TRPC6: variants seen among roughly 807,000 people sequenced by gnomAD.
TRPC6 encodes short transient receptor potential channel 6.
TRPC6 carries 55 observed loss-of-function variants against 90.7 expected under a neutral mutation model. The observed-to-expected ratio is 0.61, with a 90% CI of 0.49 to 0.76. The LOEUF (loss-of-function observed/expected upper bound fraction) is 0.76, where lower values mean the gene tolerates loss of function less well. TRPC6 is among the 30% of genes least tolerant of loss of function. The pLI is 0.00. For synonymous variants in TRPC6, 393 were observed against 393.0 expected (o/e 1.00, Z 0.00); for missense variants, 989 against 1,122.7 (o/e 0.88, Z 1.70).
At chr11:101,530,063 C>G (rs922491550) in intron 1 of TRPC6, among the ~76,000 whole-genome samples, 1 of 152,168 alleles carries the variant, frequency 6.6e-6, no homozygotes. Flanking sequence ...GCAGCAGACG[C>G]TGAAGTACCC....
rs186354117 is a variant in TRPC6 at position 101,469,317 on chromosome 11, T to A, written c.2484+110A>T. ...GATTTGTTAAAATAGTTGAATTATT[T>A]AATGGGTCTGTTCTCTACTTGCTAA... On this transcript the variant is annotated intron_variant, in intron 10 of 12. Coordinates refer to ENST00000344327, the MANE Select transcript of TRPC6 (RefSeq NM_004621.6). 2.2e-3 allele frequency: 1,444 copies of A among 660,914 alleles called. 8 individuals are homozygous for A. Among genetic ancestry groups the A allele is most frequent in the South Asian group, 7.5e-3 (455 of 60,574 alleles). The allele number at this position is 660,914 out of a possible 1,614,324, so 40.9% of individuals were successfully genotyped here. A position where few individuals can be genotyped will look rare whatever the true frequency, so the allele number is the denominator to read the frequency against.
In TRPC6 at chr11:101,504,543, G is replaced by A. The variant is rs201778466; in HGVS notation, c.426C>T (p.Ala142=). The part of the protein sequence containing the change: ...MGQNALQLAV[A]NEHLEITELL... Reference sequence around the variant, plus strand: ...GTTCTGTAATTTCCAGATGCTCATTGGCCACTGCCAACTGTAGGGCATTCT... The same window carrying A: ...GTTCTGTAATTTCCAGATGCTCATTAGCCACTGCCAACTGTAGGGCATTCT... The change falls in exon 2 of 13, where the codon GCC becomes GCT. Residue 142 remains alanine (A), a synonymous_variant. Coordinates refer to ENST00000344327, the MANE Select transcript of TRPC6 (RefSeq NM_004621.6). The A allele has an allele frequency of 6.2e-7, 1 of 1,614,036 alleles. No individual in the cohort carries two copies. Among genetic ancestry groups the A allele is most frequent in the East Asian group, 2.2e-5 (1 of 44,876 alleles).
intron 1 of TRPC6, among the ~76,000 whole-genome samples, chr11:101,575,963 T>C (rs916697365): frequency 6.6e-6 from 1 of 152,146 alleles, no homozygotes; most frequent in Non-Finnish European, 1.5e-5. Flanking sequence ...AATCCACCTG[T>C]ATCCAGCTGT....
At chr11:101,562,533 TG>T (rs975521706) in intron 1 of TRPC6, among the ~76,000 whole-genome samples, 1 of 152,172 alleles carries the variant, frequency 6.6e-6, no homozygotes, top group Non-Finnish European at 1.5e-5. Flanking sequence ...AACCTGAAAT[TG>T]TAGAACCAGT....
At chr11:101,556,706 G>A (rs1467180362) in intron 1 of TRPC6, among the ~76,000 whole-genome samples, 3 of 152,076 alleles carry the variant, frequency 2.0e-5, no homozygotes, top group Non-Finnish European at 4.4e-5. Context: ...CTCTTTTTAA[G>A]AAGCCAGCCC....
chr11:101,573,987 G>A (rs1398963838), intron 1 of TRPC6, among the ~76,000 whole-genome samples: 1 of 143,896 alleles, frequency 6.9e-6, no homozygotes, highest in East Asian at 1.9e-4. Flanking sequence ...AGGGTGGAGA[G>A]TACGTAAGGA....
intron 3 of TRPC6, among the ~76,000 whole-genome samples, chr11:101,490,284 TAA>T (rs945070615): frequency 2.0e-5 from 3 of 152,180 alleles, no homozygotes; most frequent in African/African-American, 7.2e-5. Flanking sequence ...GACTGTTATA[TAA>T]AGTTGTCCAA....
At position 101,461,220 on chromosome 11, in the gene TRPC6, T is replaced by A. The variant is rs531598961; in HGVS notation, c.2485-6119A>T. Among the ~76,000 whole-genome samples, 5 of 152,340 alleles carry A rather than the reference T, an allele frequency of 3.3e-5. No individual in the cohort carries two copies. The South Asian group carries it at 1.0e-3, about 32-fold the overall frequency. On this transcript the variant is annotated intron_variant, in intron 10 of 12. Transcript: ENST00000344327. ...AGTTTTCTTATGTGATATGTGCAGA[T>A]AATTTACTTCACACAAACAAAAGAA... is the stretch of plus-strand genomic sequence containing the variant.
intron 1 of TRPC6, among the ~76,000 whole-genome samples, chr11:101,541,724 G>A (rs2136820583): frequency 6.6e-6 from 1 of 152,234 alleles, no homozygotes; most frequent in East Asian, 1.9e-4. Context: ...CAGGCTGGAG[G>A]ATGCCTTCTT....
intron 1 of TRPC6, among the ~76,000 whole-genome samples, chr11:101,530,390 G>A (rs909755267): frequency 3.3e-5 from 5 of 152,134 alleles, no homozygotes; most frequent in Middle Eastern, 3.2e-3. Context: ...TCCGTGATCA[G>A]TTCTGCCTGT....
intron 1 of TRPC6, among the ~76,000 whole-genome samples, chr11:101,520,376 A>G (rs1308999728): frequency 6.6e-6 from 1 of 152,196 alleles, no homozygotes. Context: ...TCTTTTCTTT[A>G]TAAATTACTG....
rs775461393 is a variant in TRPC6 at position 101,556,923 on chromosome 11, G to A, written c.170+26411C>T. Among the ~76,000 whole-genome samples, 78 of 152,250 alleles carry A rather than the reference G, an allele frequency of 5.1e-4. 1 individual carries two copies. Among genetic ancestry groups the A allele is most frequent in the Middle Eastern group, 3.4e-3 (1 of 294 alleles). ...TCAACATACACAAATTAATAAATGT[G>A]ATCCATTACATTGAAAAACAAAAGG... On this transcript the variant is annotated intron_variant, in intron 1 of 12. Transcript: ENST00000344327.
intron 1 of TRPC6, among the ~76,000 whole-genome samples, chr11:101,512,164 C>A (rs563756149): frequency 9.9e-5 from 15 of 152,062 alleles, no homozygotes; most frequent in Non-Finnish European, 1.9e-4. Context: ...CATTTTGATT[C>A]AATTAGTTTC....
At chr11:101,551,980 A>G (rs925788882) in intron 1 of TRPC6, among the ~76,000 whole-genome samples, 2 of 152,082 alleles carry the variant, frequency 1.3e-5, no homozygotes, top group African/African-American at 2.4e-5. Flanking sequence ...ATACAAAAAT[A>G]AGAATACACT....
intron 11 of TRPC6, among the ~76,000 whole-genome samples, chr11:101,454,361 C>T (rs1013253679): frequency 2.0e-5 from 3 of 151,856 alleles, no homozygotes; most frequent in African/African-American, 7.3e-5. Context: ...ACTCTACCTT[C>T]AAGAATCTAT....
At chr11:101,491,780 C>T (rs781531194) in intron 2 of TRPC6, 42 bp from the exon 3 acceptor site, 9 of 1,561,928 alleles carry the variant, frequency 5.8e-6, no homozygotes, top group Non-Finnish European at 7.9e-6. Context: ...ATGGAGAATA[C>T]CACGTTTTAC....
chr11:101,555,752 G>A (rs1487938527), intron 1 of TRPC6, among the ~76,000 whole-genome samples: 1 of 151,976 alleles, frequency 6.6e-6, no homozygotes. Flanking sequence ...TTTTTCTGTA[G>A]TCAGGAACAG....
At chr11:101,457,584 CAGCAGTGAAT>C (rs1485621669) in intron 10 of TRPC6, among the ~76,000 whole-genome samples, 1 of 152,156 alleles carries the variant, frequency 6.6e-6, no homozygotes, top group African/African-American at 2.4e-5. Context: ...TATATTCAGT[CAGCAGTGAAT>C]GCAGATATGA....
At chr11:101,475,767 G>A (rs1159544791) in intron 6 of TRPC6, among the ~76,000 whole-genome samples, 1 of 151,596 alleles carries the variant, frequency 6.6e-6, no homozygotes, top group African/African-American at 2.4e-5. Flanking sequence ...TCAGCATGAT[G>A]TCTTCCGAGT....
Sources: allele counts gnomAD v4.1 joint callset (sites outside exome capture counted in the v4.1 genomes callset), GRCh38; gene constraint gnomAD v4.1.1; transcripts MANE v1.5; gene names NCBI Gene and HGNC (gene_info 2026-07-23, HGNC 2026-07-21).